NRG1: variants seen among roughly 807,000 people sequenced by gnomAD.
NRG1 encodes pro-neuregulin-1, membrane-bound isoform.
In NRG1, 18 loss-of-function variants were observed where a neutral mutation model predicts 63.8. The observed-to-expected ratio is 0.28, with a 90% CI of 0.19 to 0.42. The LOEUF is 0.42. NRG1 is among the 10% of genes least tolerant of loss of function. The probability of loss-of-function intolerance (pLI) is 1.00; values close to 1 mark genes in which losing one functional copy is unlikely to be tolerated. For missense variants in NRG1, 762 were observed against 814.7 expected (o/e 0.94, Z 0.79); for synonymous variants, 302 against 301.3 (o/e 1.00, Z -0.02).
At chr8:31,647,307 G>A (rs1314202143) in intron 1 of NRG1, among the ~76,000 whole-genome samples, 2 of 152,160 alleles carry the variant, frequency 1.3e-5, no homozygotes, top group East Asian at 3.8e-4. Context: ...TATTTTTCTT[G>A]TTTCCAATAT....
intron 5 of NRG1, among the ~76,000 whole-genome samples, chr8:32,713,085 C>T (rs1818216549): frequency 6.6e-6 from 1 of 152,164 alleles, no homozygotes; most frequent in Non-Finnish European, 1.5e-5. Context: ...TGTGTATATA[C>T]TTAGTGTACC....
intron 5 of NRG1, among the ~76,000 whole-genome samples, chr8:32,631,874 G>T (rs1022278000): frequency 6.6e-6 from 1 of 152,020 alleles, no homozygotes; most frequent in South Asian, 2.1e-4. Flanking sequence ...CGCAGAATTC[G>T]CTGGCTTTTT....
chr8:32,230,797 C>A (rs1468378823), intron 1 of NRG1, among the ~76,000 whole-genome samples: 1 of 95,426 alleles, frequency 1.0e-5, no homozygotes, highest in Non-Finnish European at 2.2e-5. Flanking sequence ...AATTTTGATA[C>A]ATACAATGTA....
chr8:31,966,549 G>A (rs1481461330), intron 1 of NRG1, among the ~76,000 whole-genome samples: 1 of 152,164 alleles, frequency 6.6e-6, no homozygotes, highest in Non-Finnish European at 1.5e-5. Context: ...AAATATTTGA[G>A]ACATTTATCC....
intron 5 of NRG1, among the ~76,000 whole-genome samples, chr8:32,668,157 G>A (rs966393751): frequency 6.6e-6 from 1 of 151,542 alleles, no homozygotes; most frequent in African/African-American, 2.4e-5. Flanking sequence ...AGGTTGTAGT[G>A]AGCCGAGATC....
chr8:32,612,364 G>A (rs919864027), intron 3 of NRG1, among the ~76,000 whole-genome samples: 2 of 151,970 alleles, frequency 1.3e-5, no homozygotes, highest in Non-Finnish European at 2.9e-5. Flanking sequence ...TTTCTTACTA[G>A]CAAGATTCTT....
At chr8:32,348,395 G>C (rs188367908) in intron 1 of NRG1, among the ~76,000 whole-genome samples, 1 of 152,122 alleles carries the variant, frequency 6.6e-6, no homozygotes, top group Non-Finnish European at 1.5e-5. Context: ...ATAAACAAAT[G>C]TAAGAGTCTG....
chr8:32,627,928 T>G lies in NRG1; in HGVS notation c.502+11043T>G, dbSNP rs188022786. ...AATTAAGGTATATTAAAAAATAAAA[T>G]TCTGCATGACAAAATATTTAAAATG... On this transcript the variant is annotated intron_variant, in intron 5 of 11. Coordinates refer to ENST00000356819, the Ensembl canonical transcript of NRG1. Among the ~76,000 whole-genome samples, 1,342 of 152,330 alleles carry G rather than the reference T, an allele frequency of 8.8e-3. 4 individuals are homozygous for G. Among genetic ancestry groups the G allele is most frequent in the Middle Eastern group, 0.048 (14 of 294 alleles).
At chr8:31,846,736 C>A (rs889050084) in intron 1 of NRG1, among the ~76,000 whole-genome samples, 3 of 152,142 alleles carry the variant, frequency 2.0e-5, no homozygotes, top group Non-Finnish European at 2.9e-5. Context: ...ATTTACCTCT[C>A]CTTAAAAGAA....
intron 1 of NRG1, among the ~76,000 whole-genome samples, chr8:32,086,234 AAAAT>A (rs1828202663): frequency 6.6e-6 from 1 of 152,242 alleles, no homozygotes; most frequent in African/African-American, 2.4e-5. Context: ...GTGATAAAGA[AAAAT>A]AAGAAACTTT....
At chr8:32,137,878 T>A (rs757820156) in intron 1 of NRG1, among the ~76,000 whole-genome samples, 4 of 152,178 alleles carry the variant, frequency 2.6e-5, no homozygotes, top group African/African-American at 7.2e-5. Flanking sequence ...TAAGTGTATA[T>A]TGTATATGTA....
chr8:32,087,545 A>G (rs369284473), intron 1 of NRG1, among the ~76,000 whole-genome samples: 2 of 120,556 alleles, frequency 1.7e-5, no homozygotes, highest in African/African-American at 6.4e-5. Context: ...GGAGTGGCTC[A>G]CTGCAACCTT....
chr8:32,261,107 A>G (rs1850319527), intron 1 of NRG1, among the ~76,000 whole-genome samples: 1 of 152,210 alleles, frequency 6.6e-6, no homozygotes, highest in South Asian at 2.1e-4. Context: ...GATAGTACAG[A>G]GAGTTCCTGT....
At chr8:32,551,255 A>C (rs957399847) in intron 1 of NRG1, among the ~76,000 whole-genome samples, 2 of 152,226 alleles carry the variant, frequency 1.3e-5, no homozygotes, top group Admixed American at 1.3e-4. Context: ...TTGCCGTGCC[A>C]GCCCAAATTA....
intron 1 of NRG1, among the ~76,000 whole-genome samples, chr8:32,141,265 A>G (rs1836215141): frequency 6.6e-6 from 1 of 152,058 alleles, no homozygotes; most frequent in South Asian, 2.1e-4. Flanking sequence ...CTAAGGGGCG[A>G]TAAAGTAGTC....
At chr8:32,586,180 ATAT>A (rs1424971549) in intron 1 of NRG1, among the ~76,000 whole-genome samples, 4 of 135,014 alleles carry the variant, frequency 3.0e-5, no homozygotes, top group Admixed American at 7.4e-5. Flanking sequence ...ATATATATAT[ATAT>A]AATGTGTATA....
chr8:32,539,726 T>C (rs1308747609), intron 1 of NRG1, among the ~76,000 whole-genome samples: 3 of 152,032 alleles, frequency 2.0e-5, no homozygotes, highest in Non-Finnish European at 4.4e-5. Flanking sequence ...AGAATTATCA[T>C]GTAGTTAAGA....
intron 1 of NRG1, among the ~76,000 whole-genome samples, chr8:32,226,113 G>A (rs952666481): frequency 6.6e-6 from 1 of 152,194 alleles, no homozygotes; most frequent in Non-Finnish European, 1.5e-5. Flanking sequence ...TAGAGAATCT[G>A]CAGAGAGAAT....
At chr8:32,548,275 G>C (rs1238398921) in exon 1 of NRG1, 4 of 986,818 alleles carry the variant, frequency 4.1e-6, no homozygotes, top group African/African-American at 1.7e-5. Flanking sequence ...GGGTGGCTGC[G>C]GGGCAATTGA....
Sources: allele counts gnomAD v4.1 joint callset (sites outside exome capture counted in the v4.1 genomes callset), GRCh38; gene constraint gnomAD v4.1.1; transcripts MANE v1.5; gene names NCBI Gene and HGNC (gene_info 2026-07-23, HGNC 2026-07-21).